Variants in NRXN1 observed in about 807,000 individuals in gnomAD.
The protein encoded by NRXN1 is neurexin-1.
In NRXN1, 39 loss-of-function variants were observed where a neutral mutation model predicts 150.9. The ratio of observed to expected loss-of-function variants is 0.26; its 90% CI spans 0.20 to 0.34. The LOEUF is 0.34. NRXN1 is among the 10% of genes least tolerant of loss of function. The pLI, the probability that NRXN1 is intolerant of heterozygous loss-of-function variation, is 1.00. For synonymous variants in NRXN1, 924 were observed against 757.0 expected (o/e 1.22, Z -3.62); for missense variants, 1,815 against 1,949.9 (o/e 0.93, Z 1.30).
intron 5 of NRXN1, among the ~76,000 whole-genome samples, chr2:50,863,002 T>C (rs773336389): frequency 6.6e-6 from 1 of 152,054 alleles, no homozygotes; most frequent in Non-Finnish European, 1.5e-5. Flanking sequence ...TGAGCATTTT[T>C]ATAATTCTAG....
chr2:50,081,037 ATG>A (rs1265993613), intron 19 of NRXN1, among the ~76,000 whole-genome samples: 1 of 152,230 alleles, frequency 6.6e-6, no homozygotes, highest in Non-Finnish European at 1.5e-5. Context: ...TTGTATACAA[ATG>A]TAGATAGATG....
chr2:51,024,397 TAATCTC>T (rs1670100573), intron 2 of NRXN1, among the ~76,000 whole-genome samples: 1 of 151,826 alleles, frequency 6.6e-6, no homozygotes, highest in East Asian at 1.9e-4. Context: ...AACCTGAAAA[TAATCTC>T]AACCCGAATG....
At chr2:50,476,883 G>A (rs528360735) in intron 15 of NRXN1, among the ~76,000 whole-genome samples, 42 of 152,118 alleles carry the variant, frequency 2.8e-4, no homozygotes, top group African/African-American at 9.6e-4. Context: ...GACACAAAGC[G>A]ATTAAGAGGA....
At chr2:50,799,181 T>C (rs539959205) in intron 5 of NRXN1, among the ~76,000 whole-genome samples, 2 of 152,328 alleles carry the variant, frequency 1.3e-5, no homozygotes, top group African/African-American at 2.4e-5. Flanking sequence ...GGGATGATAC[T>C]GCATTGGTAA....
intron 18 of NRXN1, among the ~76,000 whole-genome samples, chr2:50,192,481 A>G (rs1023191070): frequency 6.6e-6 from 1 of 152,188 alleles, no homozygotes; most frequent in Non-Finnish European, 1.5e-5. Context: ...ACATGGGGAT[A>G]TATTCCTTAG....
intron 5 of NRXN1, among the ~76,000 whole-genome samples, chr2:50,834,838 A>T (rs1671890896): frequency 6.6e-6 from 1 of 152,128 alleles, no homozygotes; most frequent in African/African-American, 2.4e-5. Context: ...GCTGAGGCAG[A>T]TGGTCCTTAG....
At chr2:50,669,048 G>A (rs993991677) in intron 5 of NRXN1, among the ~76,000 whole-genome samples, 6 of 151,878 alleles carry the variant, frequency 4.0e-5, no homozygotes, top group Admixed American at 2.0e-4. Context: ...GAAAATCTAC[G>A]CAGGAGAAAT....
Position 50,003,251 on chromosome 2 carries a change from G to C in NRXN1, c.4128+50020C>G, listed in dbSNP as rs1398439404. On this transcript the variant is annotated intron_variant, in intron 21 of 22. Transcript: ENST00000401669. Reference sequence around the variant, plus strand: ...CAGAGATGAGAGATCAGAGGCTTGGGGAAGAGAAATAGCTTGTTAAGATTA... The same window carrying C: ...CAGAGATGAGAGATCAGAGGCTTGGCGAAGAGAAATAGCTTGTTAAGATTA... 3.9e-5 allele frequency among the ~76,000 whole-genome samples: 6 copies of C among 152,182 alleles called. No homozygotes were observed. In the East Asian group the frequency reaches 1.2e-3, roughly 30 times the overall value.
intron 2 of NRXN1, among the ~76,000 whole-genome samples, chr2:51,022,370 G>T (rs1193607801): frequency 6.6e-6 from 1 of 152,028 alleles, no homozygotes; most frequent in East Asian, 1.9e-4. Context: ...TTGAAACCAG[G>T]CAGTCTGGCC....
intron 12 of NRXN1, among the ~76,000 whole-genome samples, chr2:50,519,260 A>C (rs1352369452): frequency 1.3e-5 from 2 of 151,972 alleles, no homozygotes; most frequent in Non-Finnish European, 2.9e-5. Flanking sequence ...GAATTTTAAG[A>C]TTTTAATGAC....
rs1340203408 is a variant in NRXN1 at position 49,920,144 on chromosome 2, A to ATAC, written c.*1797_*1799dup. 11 of 152,332 alleles carry ATAC rather than the reference A, an allele frequency of 7.2e-5. No homozygotes were observed. The East Asian group carries it at 1.9e-3, about 27-fold the overall frequency. 9.4% of individuals were successfully genotyped at this position (152,332 alleles called of 1,614,324 possible). ...AATATGCAAAACAAGTGTATAATCT[A>ATAC]TACTTTTCCACTACTTAATGTGTTA... On this transcript the variant is annotated 3_prime_UTR_variant, in exon 23 of 23. Transcript: ENST00000401669.
intron 18 of NRXN1, among the ~76,000 whole-genome samples, chr2:50,229,613 A>G (rs1352467564): frequency 6.6e-6 from 1 of 150,680 alleles, no homozygotes; most frequent in Admixed American, 6.6e-5. Context: ...GTTCTTAACC[A>G]TTACTTCTTC....
chr2:49,934,051 A>G (rs1284460075), intron 22 of NRXN1, among the ~76,000 whole-genome samples: 1 of 152,170 alleles, frequency 6.6e-6, no homozygotes. Context: ...TCTATCTTTA[A>G]TGGATCAGTG....
chr2:50,547,735 C>T (rs1205736304), intron 9 of NRXN1, among the ~76,000 whole-genome samples: 1 of 152,134 alleles, frequency 6.6e-6, no homozygotes, highest in Non-Finnish European at 1.5e-5. Context: ...CTAAATCATG[C>T]CTGCACTTGG....
At chr2:50,836,698 AT>A (rs569574301) in intron 5 of NRXN1, among the ~76,000 whole-genome samples, 84 of 152,100 alleles carry the variant, frequency 5.5e-4, no homozygotes, top group African/African-American at 1.9e-3. Flanking sequence ...TATATACCAC[AT>A]TTTTTTAATC....
chr2:50,812,485 T>C (rs906860620), intron 5 of NRXN1, among the ~76,000 whole-genome samples: 1 of 152,138 alleles, frequency 6.6e-6, no homozygotes, highest in Non-Finnish European at 1.5e-5. Context: ...ATTTTCCTCT[T>C]TGTAAGTCAA....
intron 17 of NRXN1, among the ~76,000 whole-genome samples, chr2:50,322,951 C>A (rs2076145940): frequency 6.6e-6 from 1 of 152,034 alleles, no homozygotes; most frequent in Admixed American, 6.6e-5. Flanking sequence ...TCATTATTAA[C>A]TATGATTTTG....
In NRXN1 at chr2:49,922,193, C is replaced by T. The variant is rs143495349; in HGVS notation, c.4275G>A (p.Arg1425=). Residue 1425 remains arginine, a synonymous_variant, in exon 23 of 23, where the codon CGG becomes CGA. Transcript: ENST00000401669. ...EPYPGSAEVI[R]ESSSTTGMVV... ...CCATACCCGTGGTGCTGCTGGACTCCCGGATCACTTCTGCTGAGCCTGGAT... is the reference window on the plus strand; with the variant it reads ...CCATACCCGTGGTGCTGCTGGACTCTCGGATCACTTCTGCTGAGCCTGGAT... The T allele has an allele frequency of 6.2e-6, 10 of 1,614,128 alleles. No homozygotes were observed. The highest frequency in any genetic ancestry group is 7.6e-6 in the Non-Finnish European group (9 of 1,180,030).
chr2:50,666,356 T>C (rs992508927), intron 5 of NRXN1, among the ~76,000 whole-genome samples: 4 of 151,958 alleles, frequency 2.6e-5, no homozygotes, highest in Admixed American at 2.0e-4. Context: ...CAAAAACAAG[T>C]CACTACAGTG....
Sources: gnomAD v4.1 joint callset for allele counts (sites outside exome capture counted in the v4.1 genomes callset) on GRCh38, gnomAD v4.1.1 for gene constraint, MANE v1.5 for transcripts, NCBI Gene and HGNC (gene_info 2026-07-23, HGNC 2026-07-21) for gene names.